UBE2E2: variants seen among roughly 807,000 people sequenced by gnomAD.
UBE2E2 encodes ubiquitin-conjugating enzyme E2 E2.
Under a neutral mutation model 24.7 loss-of-function variants are expected in UBE2E2, and 6 were observed. The ratio of observed to expected loss-of-function variants is 0.24; its 90% CI spans 0.13 to 0.48. The LOEUF is 0.48. Among genes scored for constraint, UBE2E2 ranks in the 20% least tolerant of loss-of-function variants. The pLI, the probability that UBE2E2 is intolerant of heterozygous loss-of-function variation, is 0.99. For synonymous variants in UBE2E2, 104 were observed against 83.6 expected (o/e 1.24, Z -1.33); for missense variants, 169 against 245.0 (o/e 0.69, Z 2.07).
chr3:23,207,864 A>T (rs909212571), intron 1 of UBE2E2, among the ~76,000 whole-genome samples: 1 of 152,162 alleles, frequency 6.6e-6, no homozygotes, highest in Non-Finnish European at 1.5e-5. Flanking sequence ...ACCCTTTAAA[A>T]ATGTACAACT....
intron 5 of UBE2E2, among the ~76,000 whole-genome samples, chr3:23,565,616 C>T (rs537112683): frequency 6.6e-6 from 1 of 152,050 alleles, no homozygotes; most frequent in South Asian, 2.1e-4. Context: ...GGATTTCCAC[C>T]TAGGGAGGTT....
chr3:23,289,518 T>C (rs995856397), intron 3 of UBE2E2, among the ~76,000 whole-genome samples: 1 of 152,218 alleles, frequency 6.6e-6, no homozygotes, highest in Non-Finnish European at 1.5e-5. Context: ...TCAAATGTGA[T>C]GGATGAATAG....
rs78894761 is a variant in UBE2E2 at position 23,511,466 on chromosome 3, T to A, written c.360+11726T>A. On this transcript the variant is annotated intron_variant, in intron 4 of 5. Transcript: ENST00000396703. Reference sequence around the variant, plus strand: ...GACACCTGAGTGGGAAGTGCAGAAATGTTCAGCCAACAGCTTAATAGATCT... The same window carrying A: ...GACACCTGAGTGGGAAGTGCAGAAAAGTTCAGCCAACAGCTTAATAGATCT... Among the ~76,000 whole-genome samples, 85 of 152,270 alleles carry A rather than the reference T, an allele frequency of 5.6e-4. 3 individuals are homozygous for A. In the East Asian group the frequency reaches 0.015, roughly 27 times the overall value.
At chr3:23,298,301 C>T (rs1387349862) in intron 3 of UBE2E2, among the ~76,000 whole-genome samples, 1 of 151,860 alleles carries the variant, frequency 6.6e-6, no homozygotes, top group East Asian at 1.9e-4. Flanking sequence ...CCTAATTGCC[C>T]TGGCCAGAAC....
chr3:23,422,802 A>G (rs9879132), intron 3 of UBE2E2, among the ~76,000 whole-genome samples: 6,411 of 152,274 alleles, frequency 0.042, 471 homozygotes, highest in African/African-American at 0.15. Flanking sequence ...AGTGGTGTTC[A>G]AGCTAATAGT....
At chr3:23,588,206 A>G (rs1696669820) in intron 5 of UBE2E2, among the ~76,000 whole-genome samples, 1 of 152,126 alleles carries the variant, frequency 6.6e-6, no homozygotes, top group Non-Finnish European at 1.5e-5. Context: ...TTAGCTTTTG[A>G]TGATTTTTCT....
intron 3 of UBE2E2, among the ~76,000 whole-genome samples, chr3:23,340,410 G>GA (rs1695348328): frequency 6.6e-6 from 1 of 151,864 alleles, no homozygotes; most frequent in Non-Finnish European, 1.5e-5. Context: ...TCATGCTCTG[G>GA]AAAATATAAA....
chr3:23,223,108 C>T (rs945813961), intron 3 of UBE2E2, among the ~76,000 whole-genome samples: 8 of 143,158 alleles, frequency 5.6e-5, no homozygotes, highest in Non-Finnish European at 1.2e-4. Flanking sequence ...TAACCTCTGC[C>T]TCCTGGGTTC....
At chr3:23,303,672 A>G (rs1273248041) in intron 3 of UBE2E2, among the ~76,000 whole-genome samples, 5 of 152,198 alleles carry the variant, frequency 3.3e-5, no homozygotes, top group African/African-American at 1.2e-4. Flanking sequence ...TTCAGTGACA[A>G]GTATAACACT....
At chr3:23,490,992 T>A (rs1162400980) in intron 3 of UBE2E2, among the ~76,000 whole-genome samples, 1 of 152,180 alleles carries the variant, frequency 6.6e-6, no homozygotes, top group African/African-American at 2.4e-5. Context: ...TCTTGGAATA[T>A]TTCAGGAGAA....
chr3:23,585,391 A>C (rs938138595), intron 5 of UBE2E2, among the ~76,000 whole-genome samples: 2 of 146,424 alleles, frequency 1.4e-5, no homozygotes, highest in Non-Finnish European at 3.0e-5. Flanking sequence ...AAAAAAAAAG[A>C]CATGATTTTT....
intron 3 of UBE2E2, among the ~76,000 whole-genome samples, chr3:23,473,535 G>A (rs1186978407): frequency 2.0e-5 from 3 of 151,580 alleles, no homozygotes; most frequent in African/African-American, 4.8e-5. Context: ...CCCATCACTT[G>A]AGCAGTATAC....
At chr3:23,503,519 A>C (rs1418229110) in intron 4 of UBE2E2, among the ~76,000 whole-genome samples, 1 of 152,048 alleles carries the variant, frequency 6.6e-6, no homozygotes, top group Non-Finnish European at 1.5e-5. Context: ...GCTGGGGATT[A>C]GCTTTTAGAT....
chr3:23,326,797 A>T (rs532592469), intron 3 of UBE2E2, among the ~76,000 whole-genome samples: 1 of 152,146 alleles, frequency 6.6e-6, no homozygotes. Context: ...TACATTAGGT[A>T]TATCTCCTAA....
intron 5 of UBE2E2, among the ~76,000 whole-genome samples, chr3:23,560,589 G>T (rs1444478237): frequency 6.6e-6 from 1 of 151,790 alleles, no homozygotes; most frequent in Admixed American, 6.6e-5. Context: ...CCCAGTAATG[G>T]GATTGCTGGG....
At chr3:23,465,851 C>T (rs1698909380) in intron 3 of UBE2E2, among the ~76,000 whole-genome samples, 1 of 152,134 alleles carries the variant, frequency 6.6e-6, no homozygotes, top group South Asian at 2.1e-4. Context: ...TTAACTATAA[C>T]TCAGAGTTAT....
At chr3:23,260,630 T>C (rs1321091069) in intron 3 of UBE2E2, among the ~76,000 whole-genome samples, 4 of 151,888 alleles carry the variant, frequency 2.6e-5, no homozygotes, top group African/African-American at 9.7e-5. Flanking sequence ...CTGGGCAACA[T>C]AGTAAAACCC....
intron 3 of UBE2E2, among the ~76,000 whole-genome samples, chr3:23,428,463 A>G (rs115570431): frequency 0.014 from 2,150 of 152,314 alleles, 53 homozygotes; most frequent in African/African-American, 0.049. Context: ...AAAATCAGTA[A>G]TCTAAGCTTC....
At chr3:23,539,625 C>A (rs934558237) in intron 5 of UBE2E2, among the ~76,000 whole-genome samples, 3 of 152,122 alleles carry the variant, frequency 2.0e-5, no homozygotes, top group African/African-American at 7.2e-5. Flanking sequence ...AAAGTGCTAC[C>A]AGCATTTTTA....
Sources: gnomAD v4.1 joint callset for allele counts (sites outside exome capture counted in the v4.1 genomes callset) on GRCh38, gnomAD v4.1.1 for gene constraint, MANE v1.5 for transcripts, NCBI Gene and HGNC (gene_info 2026-07-23, HGNC 2026-07-21) for gene names.